The following SCARA3 variants were observed in gnomAD, a reference collection of about 807,000 sequenced individuals.
SCARA3 encodes the protein cellular stress response gene protein.
A neutral mutation model predicts 47.0 loss-of-function variants in SCARA3; 39 were observed. The ratio of observed to expected loss-of-function variants is 0.83; its 90% CI spans 0.64 to 1.08. The LOEUF (loss-of-function observed/expected upper bound fraction) is 1.08. SCARA3 is among the 50% of genes least tolerant of loss of function. SCARA3 has a pLI of 0.00. For synonymous variants in SCARA3, 356 were observed against 334.1 expected, an observed-to-expected ratio of 1.07 and a Z score of -0.71; for missense variants, 724 against 792.3, an observed-to-expected ratio of 0.91 and a Z score of 1.04.
intron 1 of SCARA3, among the ~76,000 whole-genome samples, chr8:27,644,621 GGAGA>G (rs71553870): frequency 0.026 from 3,786 of 147,234 alleles, 142 homozygotes; most frequent in African/African-American, 0.085. Context: ...GAAAAGAAGG[GGAGA>G]GAGAGAGAGA....
At chr8:27,715,791 T>C in the SCARA3 span, among the ~76,000 whole-genome samples, 1 of 151,110 alleles carries the variant, frequency 6.6e-6, no homozygotes, top group Non-Finnish European at 1.5e-5. This position sits in a 1 kb window ranked among gnomAD's most constrained non-coding sequence, Gnocchi z 4.2. Flanking sequence ...AGATGATGGA[T>C]AGATAGATGA....
chr8:27,714,104 G>C, the SCARA3 span, among the ~76,000 whole-genome samples: 1 of 151,712 alleles, frequency 6.6e-6, no homozygotes, highest in Non-Finnish European at 1.5e-5. Flanking sequence ...CCCAGAAGGA[G>C]ATGCCAGTGC....
the SCARA3 span, among the ~76,000 whole-genome samples, chr8:27,692,063 C>T: frequency 6.6e-6 from 1 of 152,124 alleles, no homozygotes; most frequent in South Asian, 2.1e-4. Flanking sequence ...GGGAGTTGGA[C>T]ATACCTCATT....
chr8:27,664,762 G>T (rs1019878400), intron 5 of SCARA3, among the ~76,000 whole-genome samples: 36 of 152,204 alleles, frequency 2.4e-4, no homozygotes, highest in African/African-American at 8.4e-4. Context: ...TCCTAGTCAT[G>T]CGTGGAGTTT....
the SCARA3 span, among the ~76,000 whole-genome samples, chr8:27,720,722 A>G: frequency 1.3e-5 from 2 of 151,518 alleles, no homozygotes; most frequent in Non-Finnish European, 2.9e-5. Context: ...CCATCCATCC[A>G]TTCACCTATT....
At chr8:27,679,892 T>C (rs1181784038), downstream of SCARA3, 3 of 152,174 alleles carry the variant, frequency 2.0e-5, no homozygotes, top group Non-Finnish European at 2.9e-5. Context: ...GCCTGACCCT[T>C]GTACAAGGTT....
At chr8:27,636,778 G>C (rs34214051) in intron 1 of SCARA3, among the ~76,000 whole-genome samples, 15,816 of 152,270 alleles carry the variant, frequency 0.1, 1,004 homozygotes, top group East Asian at 0.29. Flanking sequence ...GGGCTGCGGG[G>C]CTGGGGGCTG....
At chr8:27,635,988 T>C (rs1449288603) in intron 1 of SCARA3, among the ~76,000 whole-genome samples, 3 of 152,200 alleles carry the variant, frequency 2.0e-5, no homozygotes, top group Non-Finnish European at 4.4e-5. Flanking sequence ...CTTCTTTCTG[T>C]GCTTCCCGTT....
At chr8:27,699,638 C>T in the SCARA3 span, among the ~76,000 whole-genome samples, 8 of 152,194 alleles carry the variant, frequency 5.3e-5, no homozygotes, top group South Asian at 2.1e-4. Flanking sequence ...AATATCCAGA[C>T]GTTCTCTAGG....
chr8:27,686,532 AAGG>A, the SCARA3 span, among the ~76,000 whole-genome samples: 1 of 152,212 alleles, frequency 6.6e-6, no homozygotes, highest in South Asian at 2.1e-4. Context: ...AGTAAGAAAC[AAGG>A]AGGACACAAG....
In SCARA3 at chr8:27,671,682, G is replaced by T; in HGVS notation, c.*331G>T. ...CGCACACACACATGCACACATACAC[G>T]TGCACACATACACAGGCACACATGC... On this transcript the variant is annotated 3_prime_UTR_variant, in exon 6 of 6. Transcript: ENST00000301904. The T allele has an allele frequency of 9.3e-7, 1 of 1,070,296 alleles. No homozygotes were observed. The highest frequency in any genetic ancestry group is 1.7e-5 in the African/African-American group (1 of 58,658). 66.3% of individuals were successfully genotyped at this position (1,070,296 alleles called of 1,614,324 possible).
chr8:27,645,676 C>A (rs1440398998), intron 1 of SCARA3, among the ~76,000 whole-genome samples: 1 of 152,218 alleles, frequency 6.6e-6, no homozygotes, highest in African/African-American at 2.4e-5. Flanking sequence ...ATCCCTGAAA[C>A]CCCTTTGGAG....
At chr8:27,723,310 C>T in the SCARA3 span, among the ~76,000 whole-genome samples, 1 of 152,198 alleles carries the variant, frequency 6.6e-6, no homozygotes, top group Non-Finnish European at 1.5e-5. Flanking sequence ...TGTTCCTTGG[C>T]TCCGAATTGG....
intron 1 of SCARA3, among the ~76,000 whole-genome samples, chr8:27,647,392 C>T (rs1801528118): frequency 6.6e-6 from 1 of 152,160 alleles, no homozygotes; most frequent in African/African-American, 2.4e-5. Context: ...TCCTTTGTCG[C>T]CCCAGATTAA....
At chr8:27,717,428 C>A in the SCARA3 span, among the ~76,000 whole-genome samples, 1 of 152,182 alleles carries the variant, frequency 6.6e-6, no homozygotes, top group African/African-American at 2.4e-5. Flanking sequence ...GCATGGGGCC[C>A]AGACTTCTCA....
At chr8:27,634,763 C>T (rs543767282) in intron 1 of SCARA3, among the ~76,000 whole-genome samples, 3 of 152,308 alleles carry the variant, frequency 2.0e-5, no homozygotes, top group African/African-American at 7.2e-5. Context: ...AGGAAGCCGC[C>T]GGGGAAGCCC....
At chr8:27,721,759 A>G in the SCARA3 span, among the ~76,000 whole-genome samples, 3 of 152,282 alleles carry the variant, frequency 2.0e-5, no homozygotes, top group South Asian at 4.1e-4. Flanking sequence ...ATCAAAGTGC[A>G]CTTCCAATTT....
chr8:27,704,508 G>A, the SCARA3 span, among the ~76,000 whole-genome samples: 9 of 152,204 alleles, frequency 5.9e-5, no homozygotes, highest in African/African-American at 1.2e-4. Context: ...ATATCTTCAC[G>A]GATTCCTGGA....
chr8:27,670,953 G>A lies in SCARA3; in HGVS notation c.1423G>A (p.Gly475Arg). 1 of 1,592,106 alleles carries A rather than the reference G, an allele frequency of 6.3e-7. No homozygotes were observed. Among genetic ancestry groups the A allele is most frequent in the Middle Eastern group, 1.7e-4 (1 of 5,866 alleles). The change falls in exon 6 of 6, where the codon GGG (glycine) becomes AGG (arginine). Residue 475 changes from glycine (G) to arginine (R), a missense_variant. Transcript: ENST00000301904. ...RGFKGDMGVK[G>R]PVGGRGPKGD... Reference sequence around the variant, plus strand: ...ATTCAAAGGAGATATGGGCGTGAAAGGGCCTGTTGGCGGCAGAGGCCCGAA... The same window carrying A: ...ATTCAAAGGAGATATGGGCGTGAAAAGGCCTGTTGGCGGCAGAGGCCCGAA...
Sources: gnomAD v4.1 joint callset for allele counts (sites outside exome capture counted in the v4.1 genomes callset) on GRCh38, gnomAD v4.1.1 for gene constraint, Gnocchi (gnomAD v3.1) non-coding constraint, MANE v1.5 for transcripts, NCBI Gene and HGNC (gene_info 2026-07-23, HGNC 2026-07-21) for gene names.